ZNF469: variants seen among roughly 807,000 people sequenced by gnomAD.
The protein encoded by ZNF469 is zinc finger protein 469.
Under a neutral mutation model 1.0 loss-of-function variants are expected in ZNF469, and 1 was observed. That is an observed-to-expected ratio of 1.00 (90% CI 0.35 to 4.73). The LOEUF is 4.73. Ranked by LOEUF, ZNF469 falls within the 30% of genes most tolerant of loss-of-function variation. The pLI, the probability that ZNF469 is intolerant of heterozygous loss-of-function variation, is 0.16. For synonymous variants in ZNF469, 2,703 were observed against 2,363.4 expected (o/e 1.14, Z -4.17); for missense variants, 6,100 against 5,356.3 (o/e 1.14, Z -4.33).
At chr16:88,208,803 A>ACACACACACACT in the ZNF469 span, among the ~76,000 whole-genome samples, 2 of 123,564 alleles carry the variant, frequency 1.6e-5, no homozygotes, top group African/African-American at 6.3e-5. Flanking sequence ...ACACACACAC[A>ACACACACACACT]CTCTCTCTCT....
At chr16:88,310,154 G>T in the ZNF469 span, among the ~76,000 whole-genome samples, 1 of 152,162 alleles carries the variant, frequency 6.6e-6, no homozygotes, top group Admixed American at 6.5e-5. Context: ...CATCAGGTGG[G>T]ACAGCCTGGC....
chr16:88,282,504 C>A, the ZNF469 span, among the ~76,000 whole-genome samples: 2 of 152,154 alleles, frequency 1.3e-5, no homozygotes, highest in Non-Finnish European at 1.5e-5. Context: ...TGGAGGTAAT[C>A]ATCCTTCAGA....
the ZNF469 span, among the ~76,000 whole-genome samples, chr16:88,193,111 G>A: frequency 3.8e-4 from 25 of 66,382 alleles, no homozygotes; most frequent in Non-Finnish European, 5.5e-4. Flanking sequence ...GATGGTGGTG[G>A]TGGTGATGGT....
At chr16:88,125,754 A>T in the ZNF469 span, among the ~76,000 whole-genome samples, 4 of 152,022 alleles carry the variant, frequency 2.6e-5, no homozygotes, top group Non-Finnish European at 5.9e-5. Context: ...TCACTTGCAA[A>T]TGATATTTTA....
the ZNF469 span, among the ~76,000 whole-genome samples, chr16:88,105,318 T>A: frequency 8.1e-6 from 1 of 123,090 alleles, no homozygotes; most frequent in African/African-American, 2.8e-5. Context: ...TTTTTTTTTT[T>A]TTTGAGACAG....
chr16:88,274,137 C>G, the ZNF469 span, among the ~76,000 whole-genome samples: 1 of 152,314 alleles, frequency 6.6e-6, no homozygotes, highest in Non-Finnish European at 1.5e-5. Flanking sequence ...GAAACTCTGA[C>G]ACATGCTACT....
intron 1 of ZNF469, among the ~76,000 whole-genome samples, chr16:88,402,495 G>T (rs1008728638): frequency 2.0e-5 from 3 of 152,078 alleles, no homozygotes. Flanking sequence ...TGCTACCTGG[G>T]CCAAGTTGTG....
At chr16:88,128,701 C>T in the ZNF469 span, among the ~76,000 whole-genome samples, 3 of 152,248 alleles carry the variant, frequency 2.0e-5, no homozygotes, top group African/African-American at 7.2e-5. Context: ...GTCACGTAAA[C>T]CCCTCTAGGC....
chr16:88,297,887 C>T, the ZNF469 span, among the ~76,000 whole-genome samples: 1 of 152,150 alleles, frequency 6.6e-6, no homozygotes, highest in African/African-American at 2.4e-5. Context: ...CTACAGGTGC[C>T]GGTGTGGCTT....
the ZNF469 span, among the ~76,000 whole-genome samples, chr16:88,201,976 C>T: frequency 6.6e-6 from 1 of 152,168 alleles, no homozygotes; most frequent in Non-Finnish European, 1.5e-5. This position sits in a 1 kb window ranked among gnomAD's most constrained non-coding sequence, Gnocchi z 5.0. Flanking sequence ...GGGTGTCCTC[C>T]TGTTCCTCCT....
At chr16:88,164,094 C>A in the ZNF469 span, among the ~76,000 whole-genome samples, 1 of 136,756 alleles carries the variant, frequency 7.3e-6, no homozygotes, top group African/African-American at 2.9e-5. Flanking sequence ...GGTGGATGAA[C>A]GGGGTCAGTG....
the ZNF469 span, among the ~76,000 whole-genome samples, chr16:88,176,152 C>G: frequency 6.6e-6 from 1 of 151,456 alleles, no homozygotes; most frequent in African/African-American, 2.4e-5. Context: ...CCTGCACCCA[C>G]CGAAGCTCAT....
In ZNF469 at chr16:88,436,112, G is replaced by A. The variant is rs142753357; in HGVS notation, c.8642G>A (p.Arg2881His). Residue 2881 changes from arginine to histidine, a missense_variant, in exon 3 of 3, where the codon CGC becomes CAC. Arg to His is a conservative substitution (Grantham distance 29). Transcript: ENST00000565624. Reference protein sequence around the residue: ...RKRNPHVYGKRCEKPVLPLPT... With the variant: ...RKRNPHVYGKHCEKPVLPLPT... Reference sequence around the variant, plus strand: ...AGGAACCCGCATGTCTACGGGAAGCGCTGTGAGAAGCCGGTGCTCCCGCTG... The same window carrying A: ...AGGAACCCGCATGTCTACGGGAAGCACTGTGAGAAGCCGGTGCTCCCGCTG... 489 of 1,548,798 alleles carry A rather than the reference G, an allele frequency of 3.2e-4. 6 individuals carry two copies. In the East Asian group the frequency reaches 0.011, roughly 33 times the overall value.
chr16:88,259,576 C>G, the ZNF469 span, among the ~76,000 whole-genome samples: 17 of 152,312 alleles, frequency 1.1e-4, no homozygotes, highest in East Asian at 3.3e-3. This position sits in a 1 kb window ranked among gnomAD's most constrained non-coding sequence, Gnocchi z 4.1. Flanking sequence ...AGCCTCCAAA[C>G]TTAGGGGTTC....
At chr16:88,260,099 T>A in the ZNF469 span, among the ~76,000 whole-genome samples, 1 of 151,492 alleles carries the variant, frequency 6.6e-6, no homozygotes, top group Non-Finnish European at 1.5e-5. The surrounding 1 kb of genome is among the most constrained non-coding windows in gnomAD (Gnocchi z 4.1). Context: ...TGCCTCAGCC[T>A]CCTGAGTGGC....
At chr16:88,331,470 CCAT>C in the ZNF469 span, among the ~76,000 whole-genome samples, 1 of 150,630 alleles carries the variant, frequency 6.6e-6, no homozygotes, top group East Asian at 2.0e-4. Context: ...ATCACTACCA[CCAT>C]CATCACCATC....
At chr16:88,188,533 G>A in the ZNF469 span, among the ~76,000 whole-genome samples, 3 of 152,178 alleles carry the variant, frequency 2.0e-5, no homozygotes, top group Admixed American at 1.3e-4. Flanking sequence ...TGGCCCCCAT[G>A]GTGCTCAGAC....
chr16:88,189,087 A>G, the ZNF469 span, among the ~76,000 whole-genome samples: 1 of 152,250 alleles, frequency 6.6e-6, no homozygotes. This position sits in a 1 kb window ranked among gnomAD's most constrained non-coding sequence, Gnocchi z 4.3. Flanking sequence ...GACATTGCTT[A>G]TACACTGGCC....
rs1187708754 is a variant in ZNF469 at position 88,394,571 on chromosome 16, G to C, written c.-192+11317G>C. ...CGTGGCCAGGCACCTTGAAGGACAG[G>C]CCTGTGGGGTGTGAGGTGGGGCTGA... On this transcript the variant is annotated intron_variant, in intron 1 of 2. Transcript: ENST00000565624. Among the ~76,000 whole-genome samples, 3 of 152,326 alleles carry C rather than the reference G, an allele frequency of 2.0e-5. No individual in the cohort carries two copies. The East Asian group carries it at 5.8e-4, about 29-fold the overall frequency.
Sources: gnomAD v4.1 joint callset for allele counts (sites outside exome capture counted in the v4.1 genomes callset) on GRCh38, gnomAD v4.1.1 for gene constraint, Gnocchi (gnomAD v3.1) non-coding constraint, MANE v1.5 for transcripts, NCBI Gene and HGNC (gene_info 2026-07-23, HGNC 2026-07-21) for gene names.